Variants in PRKAR1B observed in about 807,000 individuals in gnomAD.
PRKAR1B encodes the protein protein kinase cAMP-dependent type I regulatory subunit beta.
Under a neutral mutation model 46.5 loss-of-function variants are expected in PRKAR1B, and 22 were observed. The observed-to-expected ratio is 0.47, with a 90% CI of 0.34 to 0.68. The LOEUF (loss-of-function observed/expected upper bound fraction) is 0.68. PRKAR1B is among the 30% of genes least tolerant of loss of function. The probability of loss-of-function intolerance (pLI) is 0.01; values close to 1 mark genes in which losing one functional copy is unlikely to be tolerated. For missense variants in PRKAR1B, 445 were observed against 535.6 expected (o/e 0.83, Z 1.67); for synonymous variants, 259 against 217.7 (o/e 1.19, Z -1.67).
chr7:559,723 T>C (rs951250574), intron 9 of PRKAR1B, among the ~76,000 whole-genome samples: 1 of 152,140 alleles, frequency 6.6e-6, no homozygotes, highest in Non-Finnish European at 1.5e-5. Context: ...AAAAGGCACA[T>C]GCACCCCAAG....
intron 4 of PRKAR1B, among the ~76,000 whole-genome samples, chr7:652,175 C>T (rs143561319): frequency 1.4e-3 from 200 of 141,578 alleles, no homozygotes; most frequent in African/African-American, 4.7e-3. Flanking sequence ...AAACCCCTCT[C>T]GGAACACAGT....
At chr7:726,735 G>T in intron 1 of PRKAR1B, 2 of 1,243,860 alleles carry the variant, frequency 1.6e-6, no homozygotes, top group Non-Finnish European at 2.0e-6. Context: ...CGGCGCTGGG[G>T]GTGGCGGAGG....
chr7:654,188 A>G (rs1785060897), intron 4 of PRKAR1B, among the ~76,000 whole-genome samples: 1 of 149,198 alleles, frequency 6.7e-6, no homozygotes, highest in South Asian at 2.1e-4. Context: ...CACCATCACC[A>G]TCTTCACCAC....
chr7:556,091 G>A (rs374883178), intron 9 of PRKAR1B, among the ~76,000 whole-genome samples: 23 of 152,140 alleles, frequency 1.5e-4, no homozygotes, highest in Non-Finnish European at 2.4e-4. Flanking sequence ...AAGGACGCTC[G>A]GCTCCTGGCT....
At chr7:680,765 C>T in intron 2 of PRKAR1B, 39 bp from the exon 3 acceptor site, 3 of 1,612,148 alleles carry the variant, frequency 1.9e-6, no homozygotes, top group Non-Finnish European at 2.5e-6. Flanking sequence ...AAGTAAGAAC[C>T]TGGCTGTCCC....
chr7:657,127 AGATG>A (rs1464495917), intron 4 of PRKAR1B, among the ~76,000 whole-genome samples: 4 of 141,164 alleles, frequency 2.8e-5, no homozygotes, highest in African/African-American at 2.7e-5. Flanking sequence ...ATGGATGGAT[AGATG>A]GATGAATGAA....
chr7:685,377 T>G lies in PRKAR1B; in HGVS notation c.178-4651A>C, dbSNP rs866068544. Among the ~76,000 whole-genome samples the G allele has an allele frequency of 3.0e-4, 5 of 16,606 alleles. 1 individual carries two copies. The highest frequency in any genetic ancestry group is 1.6e-3 in the African/African-American group (5 of 3,074). The allele number at this position is 16,606 out of a possible 152,430, so 10.9% of individuals were successfully genotyped here. A position where few individuals can be genotyped will look rare whatever the true frequency, so the allele number is the denominator to read the frequency against. ...ACATATATATATACACATATATATA[T>G]ATACATACATATATATATATATATG... On this transcript the variant is annotated intron_variant, in intron 2 of 10. Coordinates refer to ENST00000537384, the MANE Select transcript of PRKAR1B (RefSeq NM_001164760.2).
At chr7:691,706 C>A (rs1041067628) in intron 2 of PRKAR1B, 39 of 1,262,010 alleles carry the variant, frequency 3.1e-5, no homozygotes, top group Non-Finnish European at 3.9e-5. Flanking sequence ...AAAAGCAGCT[C>A]CTCGTGGACA....
chr7:704,450 CAACTT>C (rs112499276), intron 2 of PRKAR1B, among the ~76,000 whole-genome samples: 21,125 of 152,086 alleles, frequency 0.14, 1,556 homozygotes, highest in South Asian at 0.22. Flanking sequence ...ATAAATGTAA[CAACTT>C]AAATGAAACG....
intron 2 of PRKAR1B, among the ~76,000 whole-genome samples, chr7:692,795 G>A (rs1156552536): frequency 6.6e-6 from 1 of 152,178 alleles, no homozygotes; most frequent in Admixed American, 6.5e-5. Context: ...GTTCAGTCAG[G>A]GAGAGGGCAA....
chr7:639,754 C>G lies in PRKAR1B; in HGVS notation c.441-32302G>C, dbSNP rs549103968. Among the ~76,000 whole-genome samples, 70 of 152,228 alleles carry G rather than the reference C, an allele frequency of 4.6e-4. 1 individual carries two copies. Among genetic ancestry groups the G allele is most frequent in the Non-Finnish European group, 9.0e-4 (61 of 68,016 alleles). The stretch of plus-strand genomic sequence containing the variant: ...CATGTAGTCCCAGCTATTCAGGAGG[C>G]TGAGGCAGAGAACTGCTCGAGCCCA... On this transcript the variant is annotated intron_variant, in intron 4 of 10. Transcript: ENST00000537384.
intron 4 of PRKAR1B, among the ~76,000 whole-genome samples, chr7:614,270 G>A (rs548971328): frequency 6.6e-6 from 1 of 152,320 alleles, no homozygotes; most frequent in African/African-American, 2.4e-5. Context: ...TGCGCAGAAT[G>A]ACAGATTCAA....
chr7:700,638 G>T (rs1780006083), intron 2 of PRKAR1B, among the ~76,000 whole-genome samples: 1 of 151,990 alleles, frequency 6.6e-6, no homozygotes, highest in Admixed American at 6.6e-5. Flanking sequence ...GGAATTGGTG[G>T]GGGAATCAGC....
chr7:610,144 G>A (rs1314511739), intron 4 of PRKAR1B, among the ~76,000 whole-genome samples: 3 of 152,180 alleles, frequency 2.0e-5, no homozygotes, highest in Non-Finnish European at 2.9e-5. Context: ...GCTGGGCCAC[G>A]ATGGACATGA....
intron 4 of PRKAR1B, among the ~76,000 whole-genome samples, chr7:635,669 C>T (rs974196417): frequency 5.9e-5 from 9 of 152,162 alleles, no homozygotes; most frequent in African/African-American, 1.9e-4. Flanking sequence ...GGGCTTCTCC[C>T]TCCATGATGG....
intron 4 of PRKAR1B, among the ~76,000 whole-genome samples, chr7:622,183 G>A (rs755904126): frequency 7.2e-5 from 11 of 152,202 alleles, no homozygotes; most frequent in African/African-American, 2.2e-4. Flanking sequence ...TCTCAGAGCC[G>A]AGGCCACCTA....
intron 4 of PRKAR1B, among the ~76,000 whole-genome samples, chr7:673,238 C>T (rs760843832): frequency 1.3e-5 from 2 of 151,990 alleles, no homozygotes; most frequent in South Asian, 2.1e-4. Flanking sequence ...AGGGTCCCTT[C>T]GTGATCTTCC....
At chr7:704,867 G>A (rs1035644691) in intron 2 of PRKAR1B, among the ~76,000 whole-genome samples, 1 of 152,128 alleles carries the variant, frequency 6.6e-6, no homozygotes, top group Non-Finnish European at 1.5e-5. Context: ...TCAGTAGTAA[G>A]AAAACAGACA....
Position 708,178 on chromosome 7 carries a change from A to T in PRKAR1B, c.177+3151T>A, listed in dbSNP as rs182192442. ...ATAGAACCTTCTCCCACACGGACCC[A>T]GAAGGAGCCATCCCAATACACCTCG... On this transcript the variant is annotated intron_variant, in intron 2 of 10. Coordinates refer to ENST00000537384, the MANE Select transcript of PRKAR1B (RefSeq NM_001164760.2). 2.3e-4 allele frequency among the ~76,000 whole-genome samples: 35 copies of T among 152,030 alleles called. 1 individual carries two copies. In the East Asian group the frequency reaches 6.8e-3, roughly 30 times the overall value.
Sources: gnomAD v4.1 joint callset for allele counts (sites outside exome capture counted in the v4.1 genomes callset) on GRCh38, gnomAD v4.1.1 for gene constraint, MANE v1.5 for transcripts, NCBI Gene and HGNC (gene_info 2026-07-23, HGNC 2026-07-21) for gene names.